Variants in EPRS1 observed in about 807,000 individuals in gnomAD.
EPRS1 encodes glutamyl-prolyl-tRNA synthetase 1.
A neutral mutation model predicts 188.3 loss-of-function variants in EPRS1; 107 were observed. That is an observed-to-expected ratio of 0.57 (90% CI 0.49 to 0.67). EPRS1 has a LOEUF of 0.67. Ranked by LOEUF, EPRS1 falls within the 30% of genes least tolerant of loss-of-function variation. The pLI is 0.00. For missense variants in EPRS1, 1,577 were observed against 1,802.2 expected (o/e 0.88, Z 2.26); for synonymous variants, 596 against 593.1 (o/e 1.00, Z -0.07).
At chr1:219,987,925 T>C (rs190071939) in intron 19 of EPRS1, among the ~76,000 whole-genome samples, 234 of 152,338 alleles carry the variant, frequency 1.5e-3, no homozygotes, top group Non-Finnish European at 2.9e-3. Context: ...AATATTGTTA[T>C]AGCATATTTC....
At position 220,007,219 on chromosome 1, in the gene EPRS1, G is replaced by A; in HGVS notation, c.1725C>T (p.Asn575=). 1 of 1,612,570 alleles carries A rather than the reference G, an allele frequency of 6.2e-7. No individual in the cohort carries two copies. The highest frequency in any genetic ancestry group is 8.5e-7 in the Non-Finnish European group (1 of 1,179,330). The change falls in exon 14 of 32, where the codon AAC becomes AAT. Residue 575 remains asparagine (N), a synonymous_variant. Coordinates refer to ENST00000366923, the MANE Select transcript of EPRS1 (RefSeq NM_004446.3). ...MVTFINWGNL[N]ITKIHKNADG... is the part of the protein sequence containing the mutation. ...GTTCTTACTTGTGTATTTTTGTAAT[G>A]TTGAGGTTGCCCCAATTTATAAATG...
chr1:220,016,162 G>A (rs990068809), intron 12 of EPRS1, among the ~76,000 whole-genome samples: 2 of 152,028 alleles, frequency 1.3e-5, no homozygotes, highest in African/African-American at 4.8e-5. Context: ...TGGCCAACAT[G>A]GCAAAACCCC....
intron 18 of EPRS1, among the ~76,000 whole-genome samples, chr1:219,990,007 C>T (rs1661088438): frequency 6.6e-6 from 1 of 151,716 alleles, no homozygotes; most frequent in African/African-American, 2.4e-5. Flanking sequence ...AAGGAACTTC[C>T]CTGCAACTAT....
intron 12 of EPRS1, among the ~76,000 whole-genome samples, chr1:220,011,787 T>C (rs12072662): frequency 0.036 from 5,551 of 152,274 alleles, 307 homozygotes; most frequent in African/African-American, 0.13. Flanking sequence ...GCTGATGTAT[T>C]TTTCTCACTT....
intron 18 of EPRS1, among the ~76,000 whole-genome samples, chr1:219,990,528 A>G (rs1661099940): frequency 6.6e-6 from 1 of 152,166 alleles, no homozygotes; most frequent in African/African-American, 2.4e-5. Flanking sequence ...AAGTTTAGAA[A>G]GATTAAGTTC....
At position 220,040,255 on chromosome 1, in the gene EPRS1, C is replaced by T. The variant is rs1239726785; in HGVS notation, c.61G>A (p.Val21Ile). Reference sequence around the variant, plus strand: ...CTGACATCGTCTTTCACGTGTTCTACTGCCAGCAAAGCTCCTATAAATAAT... The same window carrying T: ...CTGACATCGTCTTTCACGTGTTCTATTGCCAGCAAAGCTCCTATAAATAAT... ...GDPPLGALLA[V>I]EHVKDDVSIS... Residue 21 changes from valine (V) to isoleucine (I), a missense_variant, in exon 2 of 32, where the codon GTA (valine) becomes ATA (isoleucine). Val to Ile is a conservative substitution (Grantham distance 29, BLOSUM62 3). Around this residue, in one of 3 missense-constraint regions of EPRS1, gnomAD observed 1,278 missense variants for 1,457.4 expected, o/e 0.88. Transcript: ENST00000366923. 1 of 1,603,782 alleles carries T rather than the reference C, an allele frequency of 6.2e-7. No individual in the cohort carries two copies. The highest frequency in any genetic ancestry group is 1.7e-5 in the Admixed American group (1 of 59,670).
intron 8 of EPRS1, 91 bp from the exon 9 acceptor site, chr1:220,022,609 C>G: frequency 9.0e-7 from 1 of 1,116,124 alleles, no homozygotes; most frequent in Admixed American, 2.4e-5. Context: ...TTTTCATGTT[C>G]TTGTTTTATA....
At chr1:220,010,820 A>AG (rs1247739833) in intron 13 of EPRS1, 126 bp downstream of exon 13, 52 of 608,254 alleles carry the variant, frequency 8.5e-5, no homozygotes, top group Middle Eastern at 3.0e-4. Flanking sequence ...AAAAAAAAAA[A>AG]AAAAAGAAAG....
chr1:219,969,094 A>G lies in EPRS1; in HGVS notation c.4352T>C (p.Ile1451Thr). Residue 1451 changes from isoleucine to threonine, a missense_variant, in exon 31 of 32, where the codon ATT becomes ACT. Ile to Thr is a moderately conservative substitution (Grantham distance 89). Around this residue, in one of 3 missense-constraint regions of EPRS1, gnomAD observed 296 missense variants for 327.9 expected, o/e 0.90. Transcript: ENST00000366923. ...CTTTTTGATCCAGTCCTCACAGTCA[A>G]TTTCCCCACAGAATGGAATCTGAAC... ...KIVQIPFCGE[I>T]DCEDWIKKTT... The G allele has an allele frequency of 2.5e-6, 4 of 1,612,496 alleles. No individual in the cohort carries two copies. Among genetic ancestry groups the G allele is most frequent in the Non-Finnish European group, 3.4e-6 (4 of 1,178,644 alleles).
intron 2 of EPRS1, among the ~76,000 whole-genome samples, chr1:220,036,374 C>T (rs1488141913): frequency 5.3e-5 from 8 of 152,100 alleles, no homozygotes; most frequent in Admixed American, 3.9e-4. Context: ...CATAAAGACA[C>T]ATGCATGGAA....
At chr1:219,976,157 C>T (rs554696265) in intron 28 of EPRS1, among the ~76,000 whole-genome samples, 31 of 152,250 alleles carry the variant, frequency 2.0e-4, no homozygotes, top group African/African-American at 7.5e-4. Context: ...AGCATCAAAA[C>T]AAATAACGTC....
intron 1 of EPRS1, among the ~76,000 whole-genome samples, chr1:220,040,770 A>C (rs1398745340): frequency 6.6e-6 from 1 of 151,968 alleles, no homozygotes; most frequent in African/African-American, 2.4e-5. Context: ...GAATCGCTTG[A>C]ACCTGGGAGG....
intron 5 of EPRS1, among the ~76,000 whole-genome samples, chr1:220,031,998 A>C (rs954789592): frequency 2.0e-5 from 3 of 152,198 alleles, no homozygotes; most frequent in Non-Finnish European, 4.4e-5. Context: ...AGATCCTTTT[A>C]AATTTATTAA....
At chr1:219,970,210 G>GTAGTA (rs1021018071) in intron 30 of EPRS1, among the ~76,000 whole-genome samples, 4 of 152,178 alleles carry the variant, frequency 2.6e-5, no homozygotes, top group African/African-American at 9.7e-5. Context: ...TAACAATTAT[G>GTAGTA]TAGTAGCCCT....
chr1:220,023,011 A>C (rs1353127311), intron 8 of EPRS1, among the ~76,000 whole-genome samples: 1 of 152,206 alleles, frequency 6.6e-6, no homozygotes, highest in Non-Finnish European at 1.5e-5. Flanking sequence ...TATCTAAAGA[A>C]CACAGCTCAG....
At chr1:219,993,950 C>A (rs973627137) in intron 18 of EPRS1, among the ~76,000 whole-genome samples, 55 of 152,136 alleles carry the variant, frequency 3.6e-4, no homozygotes, top group Non-Finnish European at 7.1e-4. Context: ...GTACACAGTG[C>A]CAGATGCAGG....
In EPRS1 at chr1:220,010,952, G is replaced by T; in HGVS notation, c.1599C>A (p.His533Gln). 1.1e-5 allele frequency: 18 copies of T among 1,587,598 alleles called. No individual in the cohort carries two copies. Among genetic ancestry groups the T allele is most frequent in the Non-Finnish European group, 1.6e-5 (18 of 1,156,000 alleles). ...GTGAAACTGTAAGAGTGACCTTTGG[G>T]TGTTTGGCTACTTCTTTCATCTCCT... Reference protein sequence around the residue: ...AQEEMKEVAKHPKNPEVGLKP... With the variant: ...AQEEMKEVAKQPKNPEVGLKP... Residue 533 changes from histidine to glutamine, a missense_variant, in exon 13 of 32, where the codon CAC becomes CAA. Around this residue, in one of 3 missense-constraint regions of EPRS1, gnomAD observed 1,278 missense variants for 1,457.4 expected, o/e 0.88. Transcript: ENST00000366923.
At chr1:220,011,986 T>C (rs1661614698) in intron 12 of EPRS1, among the ~76,000 whole-genome samples, 1 of 107,138 alleles carries the variant, frequency 9.3e-6, no homozygotes, top group African/African-American at 3.4e-5. Flanking sequence ...ATTTTTCCAT[T>C]GTTGCCATTA....
chr1:219,978,275 C>T lies in EPRS1; in HGVS notation c.4083+271G>A, dbSNP rs114396678. On this transcript the variant is annotated intron_variant, in intron 28 of 31. Transcript: ENST00000366923. Reference sequence around the variant, plus strand: ...CATAAACATTTTAGTATACTAGTTACGTGAGGGTAATCATAAACAAGCGCT... The same window carrying T: ...CATAAACATTTTAGTATACTAGTTATGTGAGGGTAATCATAAACAAGCGCT... Among the ~76,000 whole-genome samples, 335 of 152,178 alleles carry T rather than the reference C, an allele frequency of 2.2e-3. 1 individual carries two copies. Among genetic ancestry groups the T allele is most frequent in the African/African-American group, 7.4e-3 (309 of 41,520 alleles).
Sources: gnomAD v4.1 joint callset for allele counts (sites outside exome capture counted in the v4.1 genomes callset) on GRCh38, gnomAD v4.1.1 for gene constraint, gnomAD v4.1.1 regional missense constraint, MANE v1.5 for transcripts, NCBI Gene and HGNC (gene_info 2026-07-23, HGNC 2026-07-21) for gene names.